Variants in CLN8 observed in about 807,000 individuals in gnomAD.
CLN8 encodes the protein protein CLN8.
In CLN8, 14 loss-of-function variants were observed where a neutral mutation model predicts 15.7. The observed-to-expected ratio is 0.89, with a 90% CI of 0.59 to 1.39. The LOEUF is 1.39. Ranked by LOEUF, CLN8 falls within the 40% of genes most tolerant of loss-of-function variation. The pLI is 0.00. For synonymous variants in CLN8, 188 were observed against 151.0 expected (o/e 1.25, Z -1.80); for missense variants, 415 against 364.0 (o/e 1.14, Z -1.14).
intron 2 of CLN8, chr8:1,779,911 AT>A: frequency 5.1e-6 from 5 of 975,576 alleles, no homozygotes; most frequent in Non-Finnish European, 6.1e-6. Context: ...TATTTACTTA[AT>A]ATGAGAAAAT....
Position 1,771,285 on chromosome 8 carries a change from C to T in CLN8, c.231C>T (p.Ser77=), listed in dbSNP as rs1408818831. ...CGCGTGCAGTCTTTGGTGTTCAGAG[C>T]ACAGCCGCAGGCCTGTGGGCTCTGC... The part of the protein sequence containing the change: ...AATRAVFGVQ[S]TAAGLWALLG... The change falls in exon 2 of 3, where the codon AGC becomes AGT. Residue 77 remains serine (S), a synonymous_variant. Transcript: ENST00000331222. 1 of 1,614,172 alleles carries T rather than the reference C, an allele frequency of 6.2e-7. No homozygotes were observed.
chr8:1,768,904 A>G (rs1801188891), intron 1 of CLN8, among the ~76,000 whole-genome samples: 1 of 152,204 alleles, frequency 6.6e-6, no homozygotes, highest in East Asian at 1.9e-4. Context: ...TGGAGTCTTG[A>G]TATATAGCAT....
At position 1,780,854 on chromosome 8, in the gene CLN8, C is replaced by G. The variant is rs560199629; in HGVS notation, c.*287C>G. 1.1e-4 allele frequency: 58 copies of G among 507,896 alleles called. 1 individual carries two copies. In the South Asian group the frequency reaches 1.2e-3, roughly 11 times the overall value. The allele number at this position is 507,896 out of a possible 1,614,324, so 31.5% of individuals were successfully genotyped here. A position where few individuals can be genotyped will look rare whatever the true frequency, so the allele number is the denominator to read the frequency against. ...GGTGTCCAGGCATCGGGGCGTCACA[C>G]CTGTTGAGGAGTGGGGTGGCTTTGA... On this transcript the variant is annotated 3_prime_UTR_variant, in exon 3 of 3. Transcript: ENST00000331222.
upstream of CLN8, chr8:1,763,295 C>G (rs1473222356): frequency 6.6e-6 from 1 of 151,096 alleles, no homozygotes; most frequent in African/African-American, 2.4e-5. Flanking sequence ...GGAGCCCCAC[C>G]GCCCCCATGC....
upstream of CLN8, among the ~76,000 whole-genome samples, chr8:1,755,013 A>G (rs1042418132): frequency 1.3e-5 from 2 of 151,808 alleles, no homozygotes; most frequent in African/African-American, 4.8e-5. Flanking sequence ...TTCCCTACAG[A>G]CCTCCGAGCC....
upstream of CLN8, among the ~76,000 whole-genome samples, chr8:1,755,516 G>C (rs1252383091): frequency 6.6e-6 from 1 of 152,170 alleles, no homozygotes; most frequent in East Asian, 1.9e-4. Context: ...CCCCTTCAGA[G>C]ACAGCTGGCT....
At chr8:1,773,339 T>C (rs1801386942) in intron 2 of CLN8, among the ~76,000 whole-genome samples, 1 of 152,130 alleles carries the variant, frequency 6.6e-6, no homozygotes, top group Non-Finnish European at 1.5e-5. Context: ...ATGGAGCCTA[T>C]GGCAGGCGAT....
At position 1,771,546 on chromosome 8, in the gene CLN8, G is replaced by A. The variant is rs774328095; in HGVS notation, c.492G>A (p.Leu164=). The part of the protein sequence containing the change: ...QAGHYLAMTT[L]LLEMSTPFTC... ...GCCACTATCTAGCTATGACCACGTT[G>A]CTCCTGGAGATGAGCACGCCCTTTA... Residue 164 remains leucine (L), a synonymous_variant, in exon 2 of 3, where the codon TTG becomes TTA. Transcript: ENST00000331222. The A allele has an allele frequency of 6.2e-7, 1 of 1,614,124 alleles. No homozygotes were observed. Among genetic ancestry groups the A allele is most frequent in the Non-Finnish European group, 8.5e-7 (1 of 1,180,034 alleles).
At chr8:1,762,426 G>A (rs1368680761), upstream of CLN8, 1 of 152,068 alleles carries the variant, frequency 6.6e-6, no homozygotes, top group African/African-American at 2.4e-5. Context: ...ATTTTAAAAC[G>A]ATGTCACCCT....
chr8:1,765,888 A>G (rs1801032449), intron 1 of CLN8, among the ~76,000 whole-genome samples: 1 of 152,242 alleles, frequency 6.6e-6, no homozygotes, highest in Admixed American at 6.5e-5. Context: ...TAAAACACTG[A>G]ACTTGCGTTA....
At position 1,781,265 on chromosome 8, in the gene CLN8, G is replaced by A. The variant is rs1801705427; in HGVS notation, c.*698G>A. 1 of 152,300 alleles carries A rather than the reference G, an allele frequency of 6.6e-6. No individual in the cohort carries two copies. Among genetic ancestry groups the A allele is most frequent in the South Asian group, 2.1e-4 (1 of 4,840 alleles). 9.4% of individuals were successfully genotyped at this position (152,300 alleles called of 1,614,324 possible). ...CCCAGCTATTTGGGAGGCCAAGGCA[G>A]GAGAATTGCCTGAACCCGGGAGGCG... On this transcript the variant is annotated 3_prime_UTR_variant, in exon 3 of 3. Transcript: ENST00000331222.
chr8:1,777,770 C>T (rs1801574758), intron 2 of CLN8, among the ~76,000 whole-genome samples: 1 of 152,182 alleles, frequency 6.6e-6, no homozygotes, highest in Non-Finnish European at 1.5e-5. Flanking sequence ...GCTGCTACCT[C>T]CTATGGTGAC....
rs749595247 is a variant in CLN8 at position 1,780,304 on chromosome 8, A to G, written c.598A>G (p.Met200Val). 1.1e-5 allele frequency: 17 copies of G among 1,614,090 alleles called. No individual in the cohort carries two copies. The highest frequency in any genetic ancestry group is 6.7e-5 in the African/African-American group (5 of 74,910). ...WKLNQWLMIH[M>V]FHCRMVLTYH... ...GCTCAACCAGTGGCTGATGATTCAC[A>G]TGTTTCACTGCCGCATGGTTCTAAC... The change falls in exon 3 of 3, where the codon ATG (methionine) becomes GTG (valine). Residue 200 changes from methionine (M) to valine (V), a missense_variant. Physicochemically the swap from Met to Val is conservative, Grantham distance 21. Coordinates refer to ENST00000331222, the MANE Select transcript of CLN8 (RefSeq NM_018941.4).
chr8:1,781,875 A>G lies in CLN8; in HGVS notation c.*1308A>G, dbSNP rs911909344. On this transcript the variant is annotated 3_prime_UTR_variant, in exon 3 of 3. Transcript: ENST00000331222. ...ATGAGCTGCCTGATGATGAGTCCCA[A>G]GGTACATTGTTCTACTGTTTTATAC... 1 of 152,132 alleles carries G rather than the reference A, an allele frequency of 6.6e-6. No individual in the cohort carries two copies. Among genetic ancestry groups the G allele is most frequent in the African/African-American group, 2.4e-5 (1 of 41,372 alleles). 9.4% of individuals were successfully genotyped at this position (152,132 alleles called of 1,614,324 possible). A position where few individuals can be genotyped will look rare whatever the true frequency, so the allele number is the denominator to read the frequency against.
intron 2 of CLN8, among the ~76,000 whole-genome samples, chr8:1,777,523 T>G (rs968017503): frequency 1.3e-5 from 2 of 152,244 alleles, no homozygotes; most frequent in African/African-American, 4.8e-5. Context: ...TTTCCACTCT[T>G]TTGTAATAAC....
Position 1,780,337 on chromosome 8 carries a change from A to G in CLN8, c.631A>G (p.Met211Val), listed in dbSNP as rs745785480. The change falls in exon 3 of 3, where the codon ATG becomes GTG. Residue 211 changes from methionine (M) to valine (V), a missense_variant. Physicochemically the swap from Met to Val is conservative, Grantham distance 21 (BLOSUM62 1). Coordinates refer to ENST00000331222, the MANE Select transcript of CLN8 (RefSeq NM_018941.4). ...CTGCCGCATGGTTCTAACCTACCAC[A>G]TGTGGTGGGTGTGTTTCTGGCACTG... ...FHCRMVLTYH[M>V]WWVCFWHWDG... is the part of the protein sequence containing the mutation. 4 of 1,614,066 alleles carry G rather than the reference A, an allele frequency of 2.5e-6. No homozygotes were observed. Among genetic ancestry groups the G allele is most frequent in the East Asian group, 2.2e-5 (1 of 44,894 alleles).
chr8:1,761,514 G>A (rs1381457095), upstream of CLN8, among the ~76,000 whole-genome samples: 2 of 152,160 alleles, frequency 1.3e-5, no homozygotes, highest in African/African-American at 2.4e-5. Context: ...TAGTAGAGAC[G>A]GGGTTTTGCC....
At chr8:1,772,309 A>T (rs564893458) in intron 2 of CLN8, among the ~76,000 whole-genome samples, 16 of 152,280 alleles carry the variant, frequency 1.1e-4, no homozygotes, top group Admixed American at 2.6e-4. Context: ...TTATTTTTGA[A>T]TAAGGTTGTT....
At chr8:1,771,719 A>G (rs577953597) in intron 2 of CLN8, 122 bp downstream of exon 2, 105 of 875,064 alleles carry the variant, frequency 1.2e-4, no homozygotes, top group African/African-American at 8.0e-4. Flanking sequence ...ATTCAGTTAC[A>G]AACTCATTTT....
Sources: gnomAD v4.1 joint callset for allele counts (sites outside exome capture counted in the v4.1 genomes callset) on GRCh38, gnomAD v4.1.1 for gene constraint, MANE v1.5 for transcripts, NCBI Gene and HGNC (gene_info 2026-07-23, HGNC 2026-07-21) for gene names.